The following TMEM184B variants were observed in gnomAD, a reference collection of about 807,000 sequenced individuals.
TMEM184B encodes the protein transmembrane protein 184B, also known as putative MAPK-activating protein FM08.
TMEM184B carries 17 observed loss-of-function variants against 41.8 expected under a neutral mutation model. The ratio of observed to expected loss-of-function variants is 0.41; its 90% confidence interval spans 0.28 to 0.61. The LOEUF (loss-of-function observed/expected upper bound fraction) is 0.61. Ranked by LOEUF, TMEM184B falls within the 20% of genes least tolerant of loss-of-function variation. The pLI is 0.34. For synonymous variants in TMEM184B, 240 were observed against 229.5 expected (o/e 1.05, Z -0.41); for missense variants, 393 against 557.8 (o/e 0.70, Z 2.98).
chr22:38,240,732 C>CAAAAAAAAAAAAA (rs550793359), intron 3 of TMEM184B, among the ~76,000 whole-genome samples: 2 of 66,570 alleles, frequency 3.0e-5, no homozygotes, highest in African/African-American at 1.2e-4. Context: ...GAAAAAAAGG[C>CAAAAAAAAAAAAA]AAAAAAAAAA....
In TMEM184B at chr22:38,272,870, G is replaced by T; in HGVS notation, c.-59+14C>A. The T allele has an allele frequency of 1.2e-5, 11 of 931,438 alleles. No homozygotes were observed. The highest frequency in any genetic ancestry group is 1.4e-5 in the Non-Finnish European group (11 of 780,762). 57.7% of individuals were successfully genotyped at this position (931,438 alleles called of 1,614,324 possible). On this transcript the variant is annotated intron_variant, in intron 1 of 8. Coordinates refer to ENST00000361906, the MANE Select transcript of TMEM184B (RefSeq NM_012264.5). ...CCCTTGGGGCTCCCGGGCGAGGCCG[G>T]CCAGGCGGGATACCTCAGGAGCCCA... is the stretch of plus-strand genomic sequence containing the variant.
intron 3 of TMEM184B, among the ~76,000 whole-genome samples, chr22:38,244,171 C>T (rs2091974405): frequency 6.6e-6 from 1 of 152,126 alleles, no homozygotes; most frequent in Non-Finnish European, 1.5e-5. Context: ...AAGGCATTTC[C>T]TGTGCCCTAT....
chr22:38,264,234 C>T (rs1415205483), intron 1 of TMEM184B, among the ~76,000 whole-genome samples: 3 of 152,224 alleles, frequency 2.0e-5, no homozygotes, highest in Admixed American at 6.5e-5. Context: ...CTGGTCCACA[C>T]GCTTGCATTT....
chr22:38,259,147 C>A (rs1470514785), intron 1 of TMEM184B, among the ~76,000 whole-genome samples: 1 of 152,192 alleles, frequency 6.6e-6, no homozygotes, highest in Admixed American at 6.5e-5. Context: ...CTGAACTTGG[C>A]CACCTGCCTT....
intron 3 of TMEM184B, among the ~76,000 whole-genome samples, chr22:38,236,352 G>A (rs140833991): frequency 1.3e-5 from 2 of 152,298 alleles, no homozygotes; most frequent in African/African-American, 4.8e-5. Context: ...TGCTGGGGAC[G>A]AGAAGACATC....
rs1297416393 is a variant in TMEM184B at position 38,225,952 on chromosome 22, C to T, written c.618-359G>A. ...AGGTGACGCTGCTCAGCTCTGCTGC[C>T]TTTTCACTCGGTCGGCTGCATCCCC... On this transcript the variant is annotated intron_variant, in intron 6 of 8. Coordinates refer to ENST00000361906, the MANE Select transcript of TMEM184B (RefSeq NM_012264.5). This position sits in a 1 kb window ranked among gnomAD's most constrained non-coding sequence, Gnocchi z 4.4. Among the ~76,000 whole-genome samples the T allele has an allele frequency of 6.6e-6, 1 of 152,212 alleles. No individual in the cohort carries two copies. Among genetic ancestry groups the T allele is most frequent in the African/African-American group, 2.4e-5 (1 of 41,424 alleles).
intron 1 of TMEM184B, among the ~76,000 whole-genome samples, chr22:38,262,727 G>GT (rs2092389697): frequency 6.6e-6 from 1 of 152,170 alleles, no homozygotes; most frequent in African/African-American, 2.4e-5. Flanking sequence ...ACCGGGGGTC[G>GT]TATTTACCAA....
intron 1 of TMEM184B, among the ~76,000 whole-genome samples, chr22:38,269,310 T>G (rs2092487626): frequency 6.6e-6 from 1 of 152,178 alleles, no homozygotes. Flanking sequence ...AACCTCCGCC[T>G]CCCGGATTAA....
Position 38,219,697 on chromosome 22 carries a change from G to C in TMEM184B, c.*1772C>G. On this transcript the variant is annotated 3_prime_UTR_variant, in exon 9 of 9. Coordinates refer to ENST00000361906, the MANE Select transcript of TMEM184B (RefSeq NM_012264.5). Reference sequence around the variant, plus strand: ...CGCTGGGCAGGCGAAAACCAAGGGAGTGGGAATCAGCAGCACTTTGGCCTG... The same window carrying C: ...CGCTGGGCAGGCGAAAACCAAGGGACTGGGAATCAGCAGCACTTTGGCCTG... The C allele has an allele frequency of 1.0e-6, 1 of 985,610 alleles. No individual in the cohort carries two copies. The highest frequency in any genetic ancestry group is 1.2e-6 in the Non-Finnish European group (1 of 830,004). 61.1% of individuals were successfully genotyped at this position (985,610 alleles called of 1,614,324 possible).
At chr22:38,219,054 G>C (rs553771333), downstream of TMEM184B, among the ~76,000 whole-genome samples, 6 of 152,328 alleles carry the variant, frequency 3.9e-5, no homozygotes, top group Admixed American at 6.5e-5. Flanking sequence ...AAGGAGCATC[G>C]ACCGCCTGCG....
rs926893017 is a variant in TMEM184B, at chr22:38,225,292, G to C, written c.787+132C>G. The C allele has an allele frequency of 9.9e-6, 12 of 1,209,954 alleles. No individual in the cohort carries two copies. The highest frequency in any genetic ancestry group is 1.4e-5 in the Non-Finnish European group (12 of 881,498). 75.0% of individuals were successfully genotyped at this position (1,209,954 alleles called of 1,614,324 possible). On this transcript the variant is annotated intron_variant, in intron 7 of 8. Transcript: ENST00000361906. The surrounding 1 kb of genome is among the most constrained non-coding windows in gnomAD (Gnocchi z 4.4). ...CTCGAGGGCTCAGATTTCACCCCCA[G>C]CAAGTGCCCAGTGGGCTGAGGCCCC... is the stretch of plus-strand genomic sequence containing the variant.
In TMEM184B at chr22:38,247,710, C is replaced by T. The variant is rs988709210; in HGVS notation, c.192+60G>A. ...CTGGCCTAGCCTAGCCTAACCCACA[C>T]TCTGTTCAGCCAGGAACCTTTCTGG... On this transcript the variant is annotated intron_variant, in intron 2 of 8. Transcript: ENST00000361906. The T allele has an allele frequency of 1.1e-5, 17 of 1,540,030 alleles. No individual in the cohort carries two copies. In the African/African-American group the frequency reaches 2.0e-4, roughly 18 times the overall value.
downstream of TMEM184B, chr22:38,219,151 C>T: frequency 1.5e-6 from 1 of 654,360 alleles, no homozygotes; most frequent in South Asian, 6.8e-5. Flanking sequence ...TGGTCCCTAT[C>T]AATCCGAACC....
chr22:38,235,793 C>T (rs2091757971), intron 3 of TMEM184B, among the ~76,000 whole-genome samples: 1 of 152,210 alleles, frequency 6.6e-6, no homozygotes, highest in East Asian at 1.9e-4. Flanking sequence ...GAAAACTCAA[C>T]ACATCCCCTG....
At chr22:38,240,732 CAAAAAAAAAAAAA>C (rs550793359) in intron 3 of TMEM184B, among the ~76,000 whole-genome samples, 3 of 66,558 alleles carry the variant, frequency 4.5e-5, no homozygotes, top group African/African-American at 1.2e-4. Flanking sequence ...GAAAAAAAGG[CAAAAAAAAAAAAA>C]AAAAAAAAAA....
At chr22:38,235,406 A>G (rs545357753) in intron 3 of TMEM184B, among the ~76,000 whole-genome samples, 1 of 152,332 alleles carries the variant, frequency 6.6e-6, no homozygotes, top group Admixed American at 6.5e-5. Context: ...TTCCTGCATC[A>G]AAACACATGT....
intron 5 of TMEM184B, among the ~76,000 whole-genome samples, chr22:38,230,106 C>G: frequency 1.7e-5 from 1 of 58,988 alleles, no homozygotes; most frequent in South Asian, 8.8e-4. Flanking sequence ...GGGAGGTCAG[C>G]CCAGGAAGCT....
intron 1 of TMEM184B, chr22:38,272,534 G>C: frequency 1.0e-6 from 1 of 985,818 alleles, no homozygotes; most frequent in Non-Finnish European, 1.2e-6. Context: ...CCACCCGGGA[G>C]CACACAATCC....
At chr22:38,260,231 T>C (rs951263331) in intron 1 of TMEM184B, among the ~76,000 whole-genome samples, 2 of 152,078 alleles carry the variant, frequency 1.3e-5, no homozygotes, top group African/African-American at 4.8e-5. Flanking sequence ...ATTTTTTATA[T>C]TTTTGTTAGA....
Sources: allele counts gnomAD v4.1 joint callset (sites outside exome capture counted in the v4.1 genomes callset), GRCh38; gene constraint gnomAD v4.1.1; non-coding constraint Gnocchi (gnomAD v3.1); transcripts MANE v1.5; gene names NCBI Gene and HGNC (gene_info 2026-07-23, HGNC 2026-07-21).